The following STOX2 variants were observed in gnomAD, a reference collection of about 807,000 sequenced individuals.
STOX2 encodes storkhead-box protein 2.
In STOX2, 28 loss-of-function variants were observed where a neutral mutation model predicts 60.9. That is an observed-to-expected ratio of 0.46 (90% CI 0.34 to 0.63). The LOEUF (loss-of-function observed/expected upper bound fraction) is 0.63, where lower values mean the gene tolerates loss of function less well. Among genes scored for constraint, STOX2 ranks in the 30% least tolerant of loss-of-function variants. STOX2 has a pLI of 0.01. For synonymous variants in STOX2, 472 were observed against 463.9 expected (o/e 1.02, Z -0.22); for missense variants, 1,024 against 1,187.7 (o/e 0.86, Z 2.03).
At chr4:183,979,718 TTTCTGCCCTAA>T (rs1173828036) in intron 1 of STOX2, among the ~76,000 whole-genome samples, 1 of 152,150 alleles carries the variant, frequency 6.6e-6, no homozygotes, top group African/African-American at 2.4e-5. Context: ...ACATAAACTT[TTTCTGCCCTAA>T]GTTCTTCTAA....
chr4:183,841,640 T>G (rs1739865240), intron 1 of STOX2, among the ~76,000 whole-genome samples: 1 of 152,170 alleles, frequency 6.6e-6, no homozygotes, highest in Non-Finnish European at 1.5e-5. Flanking sequence ...TTTTTGAACA[T>G]TTAAAACAAC....
chr4:183,910,302 A>G (rs1451163035), intron 1 of STOX2, among the ~76,000 whole-genome samples: 1 of 152,236 alleles, frequency 6.6e-6, no homozygotes, highest in Non-Finnish European at 1.5e-5. Flanking sequence ...AGATAAAAGC[A>G]AAACTCCCCA....
At chr4:183,855,843 C>A (rs1388168765) in intron 1 of STOX2, among the ~76,000 whole-genome samples, 1 of 152,194 alleles carries the variant, frequency 6.6e-6, no homozygotes, top group African/African-American at 2.4e-5. Context: ...CAAGTGCAGG[C>A]CCTTCACTTC....
At chr4:183,835,349 G>A (rs1391984838) in intron 1 of STOX2, among the ~76,000 whole-genome samples, 2 of 150,756 alleles carry the variant, frequency 1.3e-5, no homozygotes, top group Non-Finnish European at 2.9e-5. Context: ...TCAGCTTCCC[G>A]AGTAGCTGGG....
intron 1 of STOX2, among the ~76,000 whole-genome samples, chr4:183,911,741 G>C (rs1257029083): frequency 1.3e-5 from 2 of 152,278 alleles, no homozygotes; most frequent in South Asian, 4.1e-4. Context: ...ATACTCTTTG[G>C]TACACGGTTG....
At chr4:183,876,055 G>A (rs1740821888) in intron 1 of STOX2, among the ~76,000 whole-genome samples, 1 of 152,166 alleles carries the variant, frequency 6.6e-6, no homozygotes, top group African/African-American at 2.4e-5. Context: ...CCCCATATCA[G>A]CTAGAATTGT....
At chr4:183,948,218 CA>C (rs760286920) in intron 1 of STOX2, among the ~76,000 whole-genome samples, 504 of 29,856 alleles carry the variant, frequency 0.017, 1 homozygote, top group African/African-American at 0.039. Flanking sequence ...AACTCCATCT[CA>C]AAAAAAAAAA....
At chr4:183,800,614 A>G (rs368761898) in intron 1 of STOX2, among the ~76,000 whole-genome samples, 2 of 152,228 alleles carry the variant, frequency 1.3e-5, no homozygotes, top group Non-Finnish European at 2.9e-5. Flanking sequence ...CAGGAGGCGC[A>G]TTACATTCCC....
At chr4:183,823,956 A>C (rs1334826833) in intron 1 of STOX2, among the ~76,000 whole-genome samples, 1 of 152,220 alleles carries the variant, frequency 6.6e-6, no homozygotes, top group Non-Finnish European at 1.5e-5. Flanking sequence ...ATGCGGCTTC[A>C]GGTCTTGATC....
chr4:183,970,260 A>T (rs1262410161), intron 1 of STOX2, among the ~76,000 whole-genome samples: 1 of 151,070 alleles, frequency 6.6e-6, no homozygotes, highest in East Asian at 2.0e-4. Flanking sequence ...TCGTGGCTTC[A>T]GTCAAACAGT....
Position 184,018,630 on chromosome 4 carries a change from G to A in STOX2, c.*1346G>A, listed in dbSNP as rs191678771. On this transcript the variant is annotated 3_prime_UTR_variant, in exon 4 of 4. Transcript: ENST00000308497. ...TTTCAGGAGGCGTTTTTAGCTGGAT[G>A]TGTAGTTAATTAGACCAACTTATTT... The A allele has an allele frequency of 6.6e-6, 1 of 152,310 alleles. No individual in the cohort carries two copies. The highest frequency in any genetic ancestry group is 6.5e-5 in the Admixed American group (1 of 15,300). 9.4% of individuals were successfully genotyped at this position (152,310 alleles called of 1,614,324 possible). A position where few individuals can be genotyped will look rare whatever the true frequency, so the allele number is the denominator to read the frequency against.
intron 1 of STOX2, among the ~76,000 whole-genome samples, chr4:183,832,950 C>T (rs1339703967): frequency 1.3e-5 from 2 of 152,198 alleles, no homozygotes; most frequent in South Asian, 2.1e-4. Context: ...CTACAGATTC[C>T]GTCAAAACCT....
At chr4:183,900,534 A>G (rs557259635), upstream of STOX2, among the ~76,000 whole-genome samples, 6 of 152,366 alleles carry the variant, frequency 3.9e-5, no homozygotes, top group East Asian at 3.9e-4. Context: ...GATTGTGTTC[A>G]GATGCTTAGG....
chr4:183,836,432 G>GCTTAACACATTAAGCCTCATTTCTT lies in STOX2; in HGVS notation c.364+38381_364+38405dup, dbSNP rs1458888819. ...TTTATGCTGAAATAACGTCTCAGTGGCTTAACACATTAAGCCTCATTTCTT... is the reference window on the plus strand; with the variant it reads ...TTTATGCTGAAATAACGTCTCAGTGGCTTAACACATTAAGCCTCATTTCTTCTTAACACATTAAGCCTCATTTCTT... On this transcript the variant is annotated intron_variant, in intron 1 of 2. Coordinates refer to the STOX2 transcript ENST00000513034. The surrounding 1 kb of genome is among the most constrained non-coding windows in gnomAD (Gnocchi z 4.1). 1.1e-4 allele frequency among the ~76,000 whole-genome samples: 17 copies of GCTTAACACATTAAGCCTCATTTCTT among 152,286 alleles called. No homozygotes were observed. Among genetic ancestry groups the GCTTAACACATTAAGCCTCATTTCTT allele is most frequent in the African/African-American group, 4.1e-4 (17 of 41,566 alleles).
chr4:183,879,699 A>G (rs534080583), intron 1 of STOX2, among the ~76,000 whole-genome samples: 91 of 152,244 alleles, frequency 6.0e-4, no homozygotes, highest in African/African-American at 2.0e-3. Context: ...CTCAAGTGGC[A>G]TAGTTGATTT....
intron 1 of STOX2, among the ~76,000 whole-genome samples, chr4:183,967,153 G>A (rs995499498): frequency 1.3e-5 from 2 of 151,900 alleles, no homozygotes; most frequent in Non-Finnish European, 2.9e-5. Context: ...ACCTGAGGTC[G>A]GGAGTTCAAG....
At chr4:183,838,575 G>A (rs80169522) in intron 1 of STOX2, among the ~76,000 whole-genome samples, 3,034 of 152,306 alleles carry the variant, frequency 0.02, 58 homozygotes, top group Admixed American at 0.07. Flanking sequence ...AGCAAATCAA[G>A]TTGCTTATCA....
chr4:183,823,029 G>A (rs1312036687), intron 1 of STOX2, among the ~76,000 whole-genome samples: 1 of 152,204 alleles, frequency 6.6e-6, no homozygotes, highest in African/African-American at 2.4e-5. Context: ...GCTCTTGAAA[G>A]CTTGTATGAT....
chr4:183,987,461 A>C (rs1446457435), intron 1 of STOX2, among the ~76,000 whole-genome samples: 1 of 152,048 alleles, frequency 6.6e-6, no homozygotes, highest in African/African-American at 2.4e-5. Context: ...TTTTATGCAG[A>C]TACGTGATTC....
Sources: allele counts gnomAD v4.1 joint callset (sites outside exome capture counted in the v4.1 genomes callset), GRCh38; gene constraint gnomAD v4.1.1; non-coding constraint Gnocchi (gnomAD v3.1); transcripts MANE v1.5; gene names NCBI Gene and HGNC (gene_info 2026-07-23, HGNC 2026-07-21).